Variants in FGF14 observed in about 807,000 individuals in gnomAD.
The protein encoded by FGF14 is fibroblast growth factor homologous factor 4.
FGF14 carries 5 observed loss-of-function variants against 25.5 expected under a neutral mutation model. The observed-to-expected ratio is 0.20, with a 90% CI of 0.10 to 0.41. The LOEUF is 0.41. Among genes scored for constraint, FGF14 ranks in the 10% least tolerant of loss-of-function variants. FGF14 has a pLI of 1.00. For missense variants in FGF14, 222 were observed against 320.1 expected (o/e 0.69, Z 2.34); for synonymous variants, 138 against 118.3 (o/e 1.17, Z -1.08).
intron 1 of FGF14, among the ~76,000 whole-genome samples, chr13:102,044,360 T>C (rs77510972): frequency 2.7e-5 from 4 of 146,954 alleles, no homozygotes; most frequent in Non-Finnish European, 6.1e-5. Flanking sequence ...ATTGCAATGA[T>C]AAAAAAAAAA....
intron 1 of FGF14, among the ~76,000 whole-genome samples, chr13:102,103,444 G>T (rs1566688250): frequency 7.8e-6 from 1 of 128,648 alleles, no homozygotes; most frequent in Admixed American, 8.6e-5. Flanking sequence ...ATAAGATTTT[G>T]TTTTTTATGA....
chr13:102,241,225 C>T (rs1409538971), intron 1 of FGF14, among the ~76,000 whole-genome samples: 2 of 152,052 alleles, frequency 1.3e-5, no homozygotes, highest in Non-Finnish European at 2.9e-5. Flanking sequence ...AATAGCAATC[C>T]AATTCCTGGT....
At position 101,976,384 on chromosome 13, in the gene FGF14, TATG is replaced by T. The variant is rs545611695; in HGVS notation, c.209-101091_209-101089del. On this transcript the variant is annotated intron_variant, in intron 1 of 4. Transcript: ENST00000376131. ...CTTAGTAGCCCATTGAAAAAAATGC[TATG>T]ATATTTTTGTTGTATTCTTCAATAA... Among the ~76,000 whole-genome samples, 25 of 152,344 alleles carry T rather than the reference TATG, an allele frequency of 1.6e-4. No individual in the cohort carries two copies. The South Asian group carries it at 5.2e-3, about 32-fold the overall frequency.
chr13:102,199,263 CT>C, intron 1 of FGF14, among the ~76,000 whole-genome samples: 1 of 152,250 alleles, frequency 6.6e-6, no homozygotes, highest in African/African-American at 2.4e-5. Flanking sequence ...GAGAGTTCGT[CT>C]TTCTTCTGAG....
At chr13:102,292,303 A>C (rs1447144768) in intron 1 of FGF14, 3 of 149,252 alleles carry the variant, frequency 2.0e-5, no homozygotes, top group Admixed American at 1.3e-4. Flanking sequence ...AAAAAAAAAA[A>C]AACTGACAAT....
chr13:101,740,677 G>C (rs370480237), intron 3 of FGF14, among the ~76,000 whole-genome samples: 1 of 151,982 alleles, frequency 6.6e-6, no homozygotes, highest in African/African-American at 2.4e-5. Context: ...AAAAAAAAGC[G>C]TAAGAGTATA....
At chr13:102,242,566 G>A (rs987952433) in intron 1 of FGF14, among the ~76,000 whole-genome samples, 1 of 152,026 alleles carries the variant, frequency 6.6e-6, no homozygotes, top group Non-Finnish European at 1.5e-5. Context: ...TCCATTCCAC[G>A]AATATGAGCC....
chr13:102,145,952 C>G (rs1240652860), intron 1 of FGF14, among the ~76,000 whole-genome samples: 1 of 152,164 alleles, frequency 6.6e-6, no homozygotes, highest in African/African-American at 2.4e-5. Context: ...TCTACTTAAG[C>G]TCCAAAGATT....
chr13:102,151,642 GC>G (rs1214310225), intron 1 of FGF14, among the ~76,000 whole-genome samples: 8 of 152,048 alleles, frequency 5.3e-5, no homozygotes, highest in Non-Finnish European at 1.0e-4. Context: ...GGGATTACAG[GC>G]ACCTGCCACC....
At chr13:101,955,100 T>C (rs1030442861) in intron 1 of FGF14, among the ~76,000 whole-genome samples, 1 of 152,210 alleles carries the variant, frequency 6.6e-6, no homozygotes, top group Non-Finnish European at 1.5e-5. Context: ...TCTTGAATAG[T>C]GTGGATGGGC....
intron 1 of FGF14, among the ~76,000 whole-genome samples, chr13:101,932,358 C>T (rs538754673): frequency 3.0e-4 from 46 of 151,868 alleles, no homozygotes; most frequent in African/African-American, 9.2e-4. Context: ...GGTGAAACCC[C>T]CATCTCTCCT....
At chr13:101,915,382 G>A (rs1339637891) in intron 1 of FGF14, among the ~76,000 whole-genome samples, 1 of 152,142 alleles carries the variant, frequency 6.6e-6, no homozygotes, top group African/African-American at 2.4e-5. Flanking sequence ...GCTGGGAGCC[G>A]ACAATGTAAT....
At chr13:102,106,944 C>G (rs963074169) in intron 1 of FGF14, among the ~76,000 whole-genome samples, 2 of 152,132 alleles carry the variant, frequency 1.3e-5, no homozygotes, top group African/African-American at 4.8e-5. Context: ...GTGGTCCACA[C>G]CTGGACTGAG....
At chr13:102,274,001 AAAGGGAAGG>A (rs1476433071) in intron 1 of FGF14, among the ~76,000 whole-genome samples, 4 of 151,884 alleles carry the variant, frequency 2.6e-5, no homozygotes, top group Non-Finnish European at 5.9e-5. Flanking sequence ...GAGAAAAGAG[AAAGGGAAGG>A]AAGGGAAGGG....
intron 1 of FGF14, among the ~76,000 whole-genome samples, chr13:102,208,209 T>A (rs1402924137): frequency 6.6e-6 from 1 of 152,216 alleles, no homozygotes; most frequent in African/African-American, 2.4e-5. Flanking sequence ...TTCTCTTTTT[T>A]CATTTAATCT....
At chr13:102,062,211 T>G (rs931900348) in intron 1 of FGF14, among the ~76,000 whole-genome samples, 2 of 152,122 alleles carry the variant, frequency 1.3e-5, no homozygotes, top group African/African-American at 4.8e-5. Context: ...ATGCAAATGA[T>G]TTAAACATGG....
At chr13:101,901,370 T>C (rs542935106) in intron 1 of FGF14, among the ~76,000 whole-genome samples, 1 of 152,260 alleles carries the variant, frequency 6.6e-6, no homozygotes, top group East Asian at 1.9e-4. Flanking sequence ...TTCTTATTTG[T>C]TATCAAAGAG....
At chr13:102,046,899 T>A (rs1247067840) in intron 1 of FGF14, among the ~76,000 whole-genome samples, 2 of 152,184 alleles carry the variant, frequency 1.3e-5, no homozygotes, top group Non-Finnish European at 2.9e-5. Context: ...TGGGTACTGC[T>A]GTCATAATTA....
At chr13:102,006,793 G>A (rs966484079) in intron 1 of FGF14, among the ~76,000 whole-genome samples, 46 of 129,310 alleles carry the variant, frequency 3.6e-4, no homozygotes, top group African/African-American at 1.3e-3. Flanking sequence ...GTCGGACTGC[G>A]GACTGCAGTG....
Sources: allele counts gnomAD v4.1 joint callset (sites outside exome capture counted in the v4.1 genomes callset), GRCh38; gene constraint gnomAD v4.1.1; transcripts MANE v1.5; gene names NCBI Gene and HGNC (gene_info 2026-07-23, HGNC 2026-07-21).